RIOX2: variants seen among roughly 807,000 people sequenced by gnomAD.
RIOX2 encodes the protein ribosomal oxygenase 2.
In RIOX2, 43 loss-of-function variants were observed where a neutral mutation model predicts 51.2. That is an observed-to-expected ratio of 0.84 (90% confidence interval 0.66 to 1.08). The LOEUF is 1.08. RIOX2 is among the 50% of genes least tolerant of loss of function. The pLI is 0.00. For missense variants in RIOX2, 566 were observed against 561.7 expected (o/e 1.01, Z -0.08); for synonymous variants, 226 against 218.5 (o/e 1.03, Z -0.30).
intron 3 of RIOX2, among the ~76,000 whole-genome samples, chr3:97,959,685 TGGA>T (rs1228493310): frequency 1.3e-5 from 2 of 152,158 alleles, no homozygotes; most frequent in East Asian, 1.9e-4. Flanking sequence ...TTGGAAAATT[TGGA>T]GGAGATTTGC....
chr3:97,955,570 T>C (rs764407384), intron 4 of RIOX2, among the ~76,000 whole-genome samples: 2 of 152,122 alleles, frequency 1.3e-5, no homozygotes, highest in South Asian at 4.1e-4. Flanking sequence ...TCATGATATA[T>C]ATTCATAAGA....
chr3:97,945,673 G>C, intron 9 of RIOX2, 125 bp downstream of exon 9: 1 of 720,998 alleles, frequency 1.4e-6, no homozygotes, highest in Non-Finnish European at 2.3e-6. Context: ...TCTGTGAGTA[G>C]TGCAAAATGG....
rs57440182 is a variant in RIOX2 at position 97,945,115 on chromosome 3, C to T, written c.*69G>A. The T allele has an allele frequency of 1.3e-3, 1,754 of 1,383,902 alleles. 21 individuals are homozygous for T. In the African/African-American group the frequency reaches 0.022, roughly 17 times the overall value. 85.7% of individuals were successfully genotyped at this position (1,383,902 alleles called of 1,614,324 possible). On this transcript the variant is annotated 3_prime_UTR_variant, in exon 10 of 10. Coordinates refer to ENST00000394198, the MANE Select transcript of RIOX2 (RefSeq NM_153182.4). ...AGGAAACTTGAATTCATCCTCTCCTCGGCTCAGGTCTTTGCTTTTCTTTTA... is the reference window on the plus strand; with the variant it reads ...AGGAAACTTGAATTCATCCTCTCCTTGGCTCAGGTCTTTGCTTTTCTTTTA...
Position 97,943,691 on chromosome 3 carries a change from A to G in RIOX2, c.*1493T>C, listed in dbSNP as rs1332900283. ...ATCCTGTATTATTTATTAATATCCTACCTAGATGCTTGTATGAGTACAAAG... is the reference window on the plus strand; with the variant it reads ...ATCCTGTATTATTTATTAATATCCTGCCTAGATGCTTGTATGAGTACAAAG... On this transcript the variant is annotated 3_prime_UTR_variant, in exon 10 of 10. Coordinates refer to ENST00000394198, the MANE Select transcript of RIOX2 (RefSeq NM_153182.4). The G allele has an allele frequency of 5.3e-6, 1 of 189,780 alleles. No individual in the cohort carries two copies. The highest frequency in any genetic ancestry group is 1.8e-4 in the East Asian group (1 of 5,576). The allele number at this position is 189,780 out of a possible 1,614,324, so 11.8% of individuals were successfully genotyped here.
chr3:97,943,462 T>C lies in RIOX2; in HGVS notation c.*1722A>G. On this transcript the variant is annotated 3_prime_UTR_variant, in exon 10 of 10. Coordinates refer to ENST00000394198, the MANE Select transcript of RIOX2 (RefSeq NM_153182.4). Reference sequence around the variant, plus strand: ...ACATTTTCTCCAGCCTCTGAGACTATCGCTCTTAACCATGGAAAAGCTCAA... The same window carrying C: ...ACATTTTCTCCAGCCTCTGAGACTACCGCTCTTAACCATGGAAAAGCTCAA... 1 of 618,012 alleles carries C rather than the reference T, an allele frequency of 1.6e-6. No individual in the cohort carries two copies. Among genetic ancestry groups the C allele is most frequent in the South Asian group, 1.9e-5 (1 of 51,854 alleles). The allele number at this position is 618,012 out of a possible 1,614,324, so 38.3% of individuals were successfully genotyped here.
In RIOX2 at chr3:97,961,722, G is replaced by GA; in HGVS notation, c.433-15dup. On this transcript the variant is annotated splice_polypyrimidine_tract_variant and intron_variant, in intron 2 of 9. Coordinates refer to ENST00000394198, the MANE Select transcript of RIOX2 (RefSeq NM_153182.4). ...CCAAAGCTCATCCTTTACAAAAAAG[G>GA]AAAAAAGAAAGGGTCGGCGTGGGGG... 5.1e-6 allele frequency: 8 copies of GA among 1,577,178 alleles called. No homozygotes were observed. The highest frequency in any genetic ancestry group is 6.0e-6 in the Non-Finnish European group (7 of 1,169,604).
intron 4 of RIOX2, among the ~76,000 whole-genome samples, chr3:97,957,690 C>T (rs1486949204): frequency 6.6e-6 from 1 of 152,138 alleles, no homozygotes; most frequent in Non-Finnish European, 1.5e-5. Context: ...TGAAGCCTGA[C>T]CTTCTCGGGC....
chr3:97,966,832 T>C (rs1001540473), intron 2 of RIOX2, among the ~76,000 whole-genome samples: 3 of 152,224 alleles, frequency 2.0e-5, no homozygotes, highest in Non-Finnish European at 4.4e-5. Flanking sequence ...GTCTATCATA[T>C]AGAAAAACAT....
Position 97,945,121 on chromosome 3 carries a change from A to G in RIOX2, c.*63T>C. 7.0e-7 allele frequency: 1 copy of G among 1,433,100 alleles called. No individual in the cohort carries two copies. The highest frequency in any genetic ancestry group is 9.4e-7 in the Non-Finnish European group (1 of 1,064,344). 88.8% of individuals were successfully genotyped at this position (1,433,100 alleles called of 1,614,324 possible). On this transcript the variant is annotated 3_prime_UTR_variant, in exon 10 of 10. Transcript: ENST00000394198. The stretch of plus-strand genomic sequence containing the variant: ...CTTGAATTCATCCTCTCCTCGGCTC[A>G]GGTCTTTGCTTTTCTTTTAATATAT...
rs1413927303 is a variant in RIOX2 at position 97,943,140 on chromosome 3, G to A, written c.*2044C>T. Reference sequence around the variant, plus strand: ...TGACACATTCATCCACCGAAATGGTGAGCTGAACAGAAGCTTGTGAAAATT... The same window carrying A: ...TGACACATTCATCCACCGAAATGGTAAGCTGAACAGAAGCTTGTGAAAATT... On this transcript the variant is annotated 3_prime_UTR_variant, in exon 10 of 10. Transcript: ENST00000394198. The A allele has an allele frequency of 2.1e-5, 15 of 725,890 alleles. No individual in the cohort carries two copies. The highest frequency in any genetic ancestry group is 3.3e-5 in the Non-Finnish European group (14 of 422,594). The allele number at this position is 725,890 out of a possible 1,614,324, so 45.0% of individuals were successfully genotyped here. A position where few individuals can be genotyped will look rare whatever the true frequency, so the allele number is the denominator to read the frequency against.
chr3:97,954,113 A>G, intron 5 of RIOX2: 1 of 368,288 alleles, frequency 2.7e-6, no homozygotes, highest in Non-Finnish European at 5.0e-6. Flanking sequence ...ACACTGATGT[A>G]CCCACAGCTA....
intron 1 of RIOX2, among the ~76,000 whole-genome samples, chr3:97,969,702 G>A (rs376426914): frequency 1.6e-4 from 25 of 152,272 alleles, no homozygotes; most frequent in African/African-American, 5.3e-4. Flanking sequence ...AACAAGCTTC[G>A]CAGGTTGGCA....
chr3:97,966,923 A>C (rs1186887866), intron 2 of RIOX2, among the ~76,000 whole-genome samples: 1 of 152,236 alleles, frequency 6.6e-6, no homozygotes, highest in Non-Finnish European at 1.5e-5. Context: ...TTAGTTTTGC[A>C]GCTCAATGAT....
chr3:97,961,094 G>A (rs1189664546), intron 3 of RIOX2, among the ~76,000 whole-genome samples: 1 of 152,158 alleles, frequency 6.6e-6, no homozygotes, highest in Admixed American at 6.5e-5. Context: ...ATATCAGAGT[G>A]AAATCAACAC....
chr3:97,946,500 T>C (rs999467907), intron 8 of RIOX2, among the ~76,000 whole-genome samples: 6 of 151,102 alleles, frequency 4.0e-5, no homozygotes, highest in Non-Finnish European at 7.4e-5. Context: ...AATCTTAGCC[T>C]AGCGTACAAT....
Position 97,942,686 on chromosome 3 carries a change from T to C in RIOX2, c.*2498A>G. 1 of 352,910 alleles carries C rather than the reference T, an allele frequency of 2.8e-6. No homozygotes were observed. Among genetic ancestry groups the C allele is most frequent in the Non-Finnish European group, 5.1e-6 (1 of 197,538 alleles). 21.9% of individuals were successfully genotyped at this position (352,910 alleles called of 1,614,324 possible). On this transcript the variant is annotated 3_prime_UTR_variant, in exon 10 of 10. Coordinates refer to ENST00000394198, the MANE Select transcript of RIOX2 (RefSeq NM_153182.4). ...TAAAACTTTCATTTGCTACGTGAAC[T>C]CAGAACAGTTCTAAATTTCAAGCAC...
At chr3:97,954,158 T>C (rs1182572431) in intron 5 of RIOX2, 3 of 478,042 alleles carry the variant, frequency 6.3e-6, no homozygotes, top group African/African-American at 1.9e-5. Flanking sequence ...ACTCTCTATT[T>C]GGGCAATGCC....
In RIOX2 at chr3:97,942,692, C is replaced by T; in HGVS notation, c.*2492G>A. Reference sequence around the variant, plus strand: ...TTTCATTTGCTACGTGAACTCAGAACAGTTCTAAATTTCAAGCACCATAAA... The same window carrying T: ...TTTCATTTGCTACGTGAACTCAGAATAGTTCTAAATTTCAAGCACCATAAA... On this transcript the variant is annotated 3_prime_UTR_variant, in exon 10 of 10. Transcript: ENST00000394198. 1 of 342,866 alleles carries T rather than the reference C, an allele frequency of 2.9e-6. No homozygotes were observed. 21.2% of individuals were successfully genotyped at this position (342,866 alleles called of 1,614,324 possible). A position where few individuals can be genotyped will look rare whatever the true frequency, so the allele number is the denominator to read the frequency against.
At chr3:97,966,504 G>A (rs1705896214) in intron 2 of RIOX2, among the ~76,000 whole-genome samples, 1 of 152,120 alleles carries the variant, frequency 6.6e-6, no homozygotes, top group African/African-American at 2.4e-5. Flanking sequence ...CATAGAGGAG[G>A]CAAATTATTT....
Sources: allele counts gnomAD v4.1 joint callset (sites outside exome capture counted in the v4.1 genomes callset), GRCh38; gene constraint gnomAD v4.1.1; transcripts MANE v1.5; gene names NCBI Gene and HGNC (gene_info 2026-07-23, HGNC 2026-07-21).